The following ADGRB3 variants were observed in gnomAD, a reference collection of about 807,000 sequenced individuals.
ADGRB3 encodes adhesion G protein-coupled receptor B3.
Under a neutral mutation model 193.4 loss-of-function variants are expected in ADGRB3, and 37 were observed. The observed-to-expected ratio is 0.19, with a 90% CI of 0.15 to 0.25. The LOEUF (loss-of-function observed/expected upper bound fraction) is 0.25. ADGRB3 is among the 10% of genes least tolerant of loss of function. The pLI is 1.00. For synonymous variants in ADGRB3, 690 were observed against 644.2 expected, an observed-to-expected ratio of 1.07 and a Z score of -1.08; for missense variants, 1,637 against 1,852.9, an observed-to-expected ratio of 0.88 and a Z score of 2.14.
chr6:68,789,631 T>A (rs959978470), intron 3 of ADGRB3, among the ~76,000 whole-genome samples: 5 of 152,226 alleles, frequency 3.3e-5, no homozygotes, highest in African/African-American at 1.2e-4. Context: ...ATTATGTGTC[T>A]TTGAGTTGCT....
At chr6:69,388,161 A>C (rs1176498668) in intron 31 of ADGRB3, among the ~76,000 whole-genome samples, 1 of 152,190 alleles carries the variant, frequency 6.6e-6, no homozygotes, top group African/African-American at 2.4e-5. Context: ...AACTCATAAA[A>C]CAAGAGAATA....
chr6:69,038,091 A>G (rs1770927518), intron 13 of ADGRB3, among the ~76,000 whole-genome samples: 1 of 152,178 alleles, frequency 6.6e-6, no homozygotes, highest in African/African-American at 2.4e-5. Context: ...GGATAAATAC[A>G]TGTATAGAAT....
intron 3 of ADGRB3, among the ~76,000 whole-genome samples, chr6:68,904,304 C>T (rs1766485457): frequency 6.6e-6 from 1 of 152,120 alleles, no homozygotes; most frequent in South Asian, 2.1e-4. Context: ...TATGTAATGA[C>T]ATATGTCATT....
chr6:69,122,842 A>G (rs1025070998), intron 17 of ADGRB3, among the ~76,000 whole-genome samples: 1 of 152,100 alleles, frequency 6.6e-6, no homozygotes, highest in South Asian at 2.1e-4. Context: ...ACATACATAC[A>G]TACATACAAC....
Position 68,879,418 on chromosome 6 carries a change from C to T in ADGRB3, c.758-51141C>T, listed in dbSNP as rs533468538. On this transcript the variant is annotated intron_variant, in intron 3 of 31. Coordinates refer to ENST00000370598, the MANE Select transcript of ADGRB3 (RefSeq NM_001704.3). ...TATTTTTTTGTATTTTTAGTAGAGA[C>T]GGGGTTTCACCGTGTTAGCCAGGAT... 9.9e-5 allele frequency among the ~76,000 whole-genome samples: 15 copies of T among 151,774 alleles called. 1 individual carries two copies. Among genetic ancestry groups the T allele is most frequent in the South Asian group, 4.2e-4 (2 of 4,788 alleles).
intron 3 of ADGRB3, among the ~76,000 whole-genome samples, chr6:68,865,104 A>G (rs1198006466): frequency 3.3e-5 from 5 of 152,104 alleles, no homozygotes; most frequent in Non-Finnish European, 5.9e-5. Flanking sequence ...GTCCAGACAT[A>G]TATTCAAAAA....
At chr6:68,921,269 C>G (rs1481514120) in intron 3 of ADGRB3, among the ~76,000 whole-genome samples, 1 of 152,096 alleles carries the variant, frequency 6.6e-6, no homozygotes, top group African/African-American at 2.4e-5. Flanking sequence ...GTAAAAGATA[C>G]ATGCTTGAAG....
At chr6:69,139,598 T>G (rs1036190841) in intron 17 of ADGRB3, among the ~76,000 whole-genome samples, 4 of 152,232 alleles carry the variant, frequency 2.6e-5, no homozygotes, top group Non-Finnish European at 5.9e-5. Flanking sequence ...GCAACCATTT[T>G]TTACTATTAT....
At chr6:69,156,112 CT>C (rs1774831940) in intron 17 of ADGRB3, among the ~76,000 whole-genome samples, 2 of 152,096 alleles carry the variant, frequency 1.3e-5, no homozygotes, top group South Asian at 4.1e-4. Flanking sequence ...TTATAATTGT[CT>C]TTTACATAAA....
Position 69,299,068 on chromosome 6 carries a change from G to T in ADGRB3, c.2815-25804G>T, listed in dbSNP as rs9354831. Among the ~76,000 whole-genome samples the T allele has an allele frequency of 3.2e-4, 49 of 152,014 alleles. No individual in the cohort carries two copies. In the East Asian group the frequency reaches 9.1e-3, roughly 28 times the overall value. ...ATTATTGCCTGTCTTTTGGATAAAA[G>T]ACATTTTAACTGGGGTGAGATGATA... On this transcript the variant is annotated intron_variant, in intron 20 of 31. Transcript: ENST00000370598.
At chr6:68,979,362 T>A (rs546166524) in intron 10 of ADGRB3, among the ~76,000 whole-genome samples, 1 of 151,478 alleles carries the variant, frequency 6.6e-6, no homozygotes, top group East Asian at 1.9e-4. Context: ...TACCTAGAAA[T>A]GTGTAGTGAT....
chr6:68,735,830 G>A (rs377376539), intron 3 of ADGRB3, among the ~76,000 whole-genome samples: 1 of 152,080 alleles, frequency 6.6e-6, no homozygotes, highest in East Asian at 1.9e-4. Flanking sequence ...TCTTAAAATA[G>A]ATGAATTTTT....
intron 20 of ADGRB3, among the ~76,000 whole-genome samples, chr6:69,315,274 A>T (rs866274477): frequency 1.1e-4 from 16 of 151,514 alleles, no homozygotes; most frequent in Non-Finnish European, 2.1e-4. Flanking sequence ...CAAGTTATTT[A>T]AACTCTCTGA....
At position 69,257,097 on chromosome 6, in the gene ADGRB3, C is replaced by T. The variant is rs570197340; in HGVS notation, c.2814+17871C>T. Reference sequence around the variant, plus strand: ...AAGCTTTTTGATGTGCTGCTGGATTCGGTTTGCCAGTATTTTATTGAGGAT... The same window carrying T: ...AAGCTTTTTGATGTGCTGCTGGATTTGGTTTGCCAGTATTTTATTGAGGAT... On this transcript the variant is annotated intron_variant, in intron 20 of 31. Coordinates refer to ENST00000370598, the MANE Select transcript of ADGRB3 (RefSeq NM_001704.3). Among the ~76,000 whole-genome samples, 315 of 152,120 alleles carry T rather than the reference C, an allele frequency of 2.1e-3. 1 individual carries two copies. The highest frequency in any genetic ancestry group is 3.2e-3 in the Non-Finnish European group (219 of 67,980).
At chr6:69,203,061 A>G (rs1194215531) in intron 17 of ADGRB3, among the ~76,000 whole-genome samples, 1 of 152,194 alleles carries the variant, frequency 6.6e-6, no homozygotes, top group Non-Finnish European at 1.5e-5. Flanking sequence ...TAACATAGTG[A>G]TCACAGCCAT....
intron 3 of ADGRB3, among the ~76,000 whole-genome samples, chr6:68,778,646 T>C (rs2127360101): frequency 6.6e-6 from 1 of 152,276 alleles, no homozygotes; most frequent in South Asian, 2.1e-4. Flanking sequence ...GCACTTGTGA[T>C]GAGTTTTTAC....
chr6:68,877,348 A>T (rs953198899), intron 3 of ADGRB3, among the ~76,000 whole-genome samples: 3 of 151,542 alleles, frequency 2.0e-5, no homozygotes, highest in Non-Finnish European at 4.4e-5. Context: ...AAACAAGATG[A>T]ATAGTGTATA....
intron 3 of ADGRB3, among the ~76,000 whole-genome samples, chr6:68,926,051 C>A (rs1397977565): frequency 6.6e-6 from 1 of 151,984 alleles, no homozygotes; most frequent in African/African-American, 2.4e-5. Context: ...TCAAGTACTT[C>A]ACAGATAATT....
At chr6:68,910,765 A>C (rs918144840) in intron 3 of ADGRB3, among the ~76,000 whole-genome samples, 2 of 152,052 alleles carry the variant, frequency 1.3e-5, no homozygotes, top group African/African-American at 4.8e-5. Context: ...ATTGATCTAT[A>C]TCTCTGTTTT....
Sources: gnomAD v4.1 joint callset for allele counts (sites outside exome capture counted in the v4.1 genomes callset) on GRCh38, gnomAD v4.1.1 for gene constraint, MANE v1.5 for transcripts, NCBI Gene and HGNC (gene_info 2026-07-23, HGNC 2026-07-21) for gene names.